MYH14: variants seen among roughly 807,000 people sequenced by gnomAD.
The protein encoded by MYH14 is myosin heavy chain 14, also known as myosin-14.
A neutral mutation model predicts 255.5 loss-of-function variants in MYH14; 123 were observed. The ratio of observed to expected loss-of-function variants is 0.48; its 90% CI spans 0.42 to 0.56. The LOEUF (loss-of-function observed/expected upper bound fraction) is 0.56. Among genes scored for constraint, MYH14 ranks in the 20% least tolerant of loss-of-function variants. The pLI is 0.00. For synonymous variants in MYH14, 1,095 were observed against 1,161.2 expected (o/e 0.94, Z 1.16); for missense variants, 2,423 against 2,802.3 (o/e 0.86, Z 3.06).
chr19:50,220,550 CATATT>C (rs1053120615), intron 3 of MYH14, among the ~76,000 whole-genome samples: 2 of 150,998 alleles, frequency 1.3e-5, no homozygotes, highest in Non-Finnish European at 2.9e-5. Flanking sequence ...ATATTGTAAA[CATATT>C]ATGCTTATTT....
At position 50,223,074 on chromosome 19, in the gene MYH14, C is replaced by T. The variant is rs1399028834; in HGVS notation, c.563-9C>T. The T allele has an allele frequency of 6.2e-7, 1 of 1,613,196 alleles. No homozygotes were observed. The highest frequency in any genetic ancestry group is 1.1e-5 in the South Asian group (1 of 91,072). On this transcript the variant is annotated splice_polypyrimidine_tract_variant and intron_variant, in intron 3 of 42. Transcript: ENST00000642316. ...CAGATGACATATTCCCCCACTCTGTCCCCTACAGATCGTGAGGACCAGTCC... is the reference window on the plus strand; with the variant it reads ...CAGATGACATATTCCCCCACTCTGTTCCCTACAGATCGTGAGGACCAGTCC...
intron 39 of MYH14, among the ~76,000 whole-genome samples, chr19:50,296,336 A>G (rs944519485): frequency 1.3e-5 from 2 of 152,088 alleles, no homozygotes; most frequent in African/African-American, 4.8e-5. Flanking sequence ...GGCTGGGCGC[A>G]GTGGCTCACA....
In MYH14 at chr19:50,217,104, C is replaced by T. The variant is rs565281631; in HGVS notation, c.406-511C>T. Among the ~76,000 whole-genome samples the T allele has an allele frequency of 7.2e-5, 11 of 152,072 alleles. No homozygotes were observed. In the South Asian group the frequency reaches 8.3e-4, roughly 12 times the overall value. On this transcript the variant is annotated intron_variant, in intron 2 of 42. Coordinates refer to ENST00000642316, the MANE Select transcript of MYH14 (RefSeq NM_001145809.2). ...GATTGCAGGCGTGAGCCACCGTGCCCGGCCCTCCTCTTCCATCCTTTCTAA... is the reference window on the plus strand; with the variant it reads ...GATTGCAGGCGTGAGCCACCGTGCCTGGCCCTCCTCTTCCATCCTTTCTAA...
At position 50,247,490 on chromosome 19, in the gene MYH14, T is replaced by A. The variant is rs530044112; in HGVS notation, c.1329+368T>A. 7.9e-5 allele frequency among the ~76,000 whole-genome samples: 12 copies of A among 151,406 alleles called. No individual in the cohort carries two copies. The East Asian group carries it at 2.4e-3, about 30-fold the overall frequency. On this transcript the variant is annotated intron_variant, in intron 12 of 42. Transcript: ENST00000642316. ...CTGCACTCCAGCCTGGGTGACAGAC[T>A]GAGACTCTGTCTCTAAAAAAATTAA...
intron 6 of MYH14, among the ~76,000 whole-genome samples, chr19:50,225,010 G>A (rs1010621620): frequency 1.3e-5 from 2 of 152,056 alleles, no homozygotes; most frequent in Admixed American, 6.6e-5. Context: ...GGAGGCTGAG[G>A]TGAGAGGATT....
intron 12 of MYH14, 103 bp from the exon 13 acceptor site, chr19:50,248,884 A>T: frequency 8.0e-7 from 1 of 1,249,410 alleles, no homozygotes; most frequent in Non-Finnish European, 1.1e-6. Flanking sequence ...CTGGGAGGCG[A>T]CCTTAAGGGG....
intron 1 of MYH14, among the ~76,000 whole-genome samples, chr19:50,205,236 G>A (rs1377215269): frequency 6.6e-6 from 1 of 152,170 alleles, no homozygotes; most frequent in Non-Finnish European, 1.5e-5. Context: ...TTGAATCCCG[G>A]GAATCCTCAG....
chr19:50,284,402 T>C (rs1267180727), intron 33 of MYH14, among the ~76,000 whole-genome samples: 1 of 152,138 alleles, frequency 6.6e-6, no homozygotes, highest in Non-Finnish European at 1.5e-5. Flanking sequence ...AGTCTTGCAC[T>C]GTTGCCCGGG....
chr19:50,302,148 T>G (rs1403397485), intron 40 of MYH14, among the ~76,000 whole-genome samples: 3 of 148,104 alleles, frequency 2.0e-5, no homozygotes, highest in Non-Finnish European at 4.5e-5. Flanking sequence ...GCCAGGTGTG[T>G]TAGCGTGTGC....
chr19:50,268,201 C>T lies in MYH14; in HGVS notation c.2867C>T (p.Ala956Val). 1 of 1,555,030 alleles carries T rather than the reference C, an allele frequency of 6.4e-7. No individual in the cohort carries two copies. The highest frequency in any genetic ancestry group is 8.7e-7 in the Non-Finnish European group (1 of 1,150,426). The change falls in exon 24 of 43, where the codon GCA becomes GTA. Residue 956 changes from alanine (A) to valine (V), a missense_variant. By Grantham distance (64) the Ala-to-Val change is moderately conservative. Transcript: ENST00000642316. The part of the protein sequence containing the change: ...ERARLAEQLR[A>V]EAELCAEAEE... ...GCCCGCCTGGCAGAGCAATTGCGAG[C>T]AGAGGCAGAACTGTGTGCAGAGGCC... is the stretch of plus-strand genomic sequence containing the variant.
chr19:50,298,399 CAT>C (rs1017988261), intron 39 of MYH14, among the ~76,000 whole-genome samples: 12 of 74,668 alleles, frequency 1.6e-4, no homozygotes, highest in African/African-American at 3.2e-4. Flanking sequence ...AACACACACA[CAT>C]ACACACACAC....
chr19:50,286,444 AT>A (rs774889753), intron 33 of MYH14, 37 bp from the exon 34 acceptor site: 1 of 1,578,788 alleles, frequency 6.3e-7, no homozygotes, highest in South Asian at 1.2e-5. Flanking sequence ...CTTTCAGCTA[AT>A]CTATTTCCCC....
intron 11 of MYH14, 94 bp from the exon 12 acceptor site, chr19:50,246,910 C>T (rs2034150952): frequency 2.4e-6 from 2 of 848,084 alleles, no homozygotes; most frequent in East Asian, 5.4e-5. Flanking sequence ...GTCTTCTGCT[C>T]CCCCAACAGT....
intron 35 of MYH14, among the ~76,000 whole-genome samples, chr19:50,289,985 C>T (rs1475139052): frequency 1.3e-5 from 2 of 152,092 alleles, no homozygotes; most frequent in Admixed American, 1.3e-4. Context: ...TGACCTGTTG[C>T]TGTACCCAAT....
At position 50,286,593 on chromosome 19, in the gene MYH14, G is replaced by A. The variant is rs1455344183; in HGVS notation, c.4651G>A (p.Glu1551Lys). Residue 1551 changes from glutamate (E) to lysine (K), a missense_variant, in exon 34 of 43, where the codon GAG becomes AAG. Physicochemically the swap from Glu to Lys is moderately conservative, Grantham distance 56. This residue lies in a region of MYH14 where 1,513 missense variants were observed against 1,674.8 expected (regional missense o/e 0.90). Coordinates refer to ENST00000642316, the MANE Select transcript of MYH14 (RefSeq NM_001145809.2). ...GGCCCTGTCACTGACACGGGCACTG[G>A]AGGAGGAGCAGGAGGCACGTGAGGA... ...ARALSLTRAL[E>K]EEQEAREELE... 3.1e-6 allele frequency: 5 copies of A among 1,607,508 alleles called. No homozygotes were observed. Among genetic ancestry groups the A allele is most frequent in the East Asian group, 2.2e-5 (1 of 44,682 alleles).
At position 50,234,337 on chromosome 19, in the gene MYH14, C is replaced by A. The variant is rs373798058; in HGVS notation, c.1114+2267C>A. On this transcript the variant is annotated intron_variant, in intron 10 of 42. Transcript: ENST00000642316. ...TTCATTGTTTGCGTGAACTATGATT[C>A]TTTTAACCAAGCCCTCCAAAGAAAG... 4.9e-4 allele frequency among the ~76,000 whole-genome samples: 74 copies of A among 152,338 alleles called. 1 individual carries two copies. In the South Asian group the frequency reaches 0.014, roughly 29 times the overall value.
intron 27 of MYH14, among the ~76,000 whole-genome samples, chr19:50,273,918 C>A (rs975162446): frequency 7.2e-5 from 11 of 152,096 alleles, no homozygotes; most frequent in Non-Finnish European, 1.5e-4. Flanking sequence ...AGGCACTGCA[C>A]CCGGCCGTGA....
chr19:50,254,416 C>T (rs1374653709), intron 16 of MYH14, among the ~76,000 whole-genome samples: 1 of 152,082 alleles, frequency 6.6e-6, no homozygotes, highest in Non-Finnish European at 1.5e-5. Flanking sequence ...GGAACAGAAC[C>T]AGATTATGCT....
chr19:50,253,196 C>A (rs1455534171), intron 16 of MYH14, among the ~76,000 whole-genome samples: 1 of 152,046 alleles, frequency 6.6e-6, no homozygotes, highest in African/African-American at 2.4e-5. Flanking sequence ...AATCCCAGCA[C>A]TTTTGGGAGG....
Sources: gnomAD v4.1 joint callset for allele counts (sites outside exome capture counted in the v4.1 genomes callset) on GRCh38, gnomAD v4.1.1 for gene constraint, gnomAD v4.1.1 regional missense constraint, MANE v1.5 for transcripts, NCBI Gene and HGNC (gene_info 2026-07-23, HGNC 2026-07-21) for gene names.